Variants in TTC28 observed in about 807,000 individuals in gnomAD.
The protein encoded by TTC28 is tetratricopeptide repeat protein 28.
Under a neutral mutation model 198.0 loss-of-function variants are expected in TTC28, and 61 were observed. That is an observed-to-expected ratio of 0.31 (90% CI 0.25 to 0.38). The LOEUF is 0.38. TTC28 is among the 10% of genes least tolerant of loss of function. The probability of loss-of-function intolerance (pLI) is 1.00; values close to 1 mark genes in which losing one functional copy is unlikely to be tolerated. For missense variants in TTC28, 2,678 were observed against 3,164.0 expected, an observed-to-expected ratio of 0.85 and a Z score of 3.69; for synonymous variants, 1,171 against 1,297.8, an observed-to-expected ratio of 0.90 and a Z score of 2.10.
intron 5 of TTC28, among the ~76,000 whole-genome samples, chr22:28,210,024 A>G (rs527416534): frequency 3.3e-4 from 51 of 152,302 alleles, no homozygotes; most frequent in African/African-American, 1.2e-3. Context: ...CCTGGCAAAC[A>G]GGGTCTGCAG....
At chr22:28,556,928 G>A (rs1435516944) in intron 2 of TTC28, among the ~76,000 whole-genome samples, 1 of 152,208 alleles carries the variant, frequency 6.6e-6, no homozygotes, top group African/African-American at 2.4e-5. Context: ...TTCATCCAGA[G>A]TGAGTGATCC....
At chr22:28,121,760 C>G (rs1243896798) in intron 6 of TTC28, among the ~76,000 whole-genome samples, 1 of 152,244 alleles carries the variant, frequency 6.6e-6, no homozygotes, top group Non-Finnish European at 1.5e-5. Context: ...AAGTATTTAC[C>G]TTCCCAGCCT....
rs117481949 is a variant in TTC28, at chr22:28,031,985, G to C, written c.3933-1619C>G. 9.7e-3 allele frequency among the ~76,000 whole-genome samples: 1,472 copies of C among 151,606 alleles called. 13 individuals are homozygous for C. The highest frequency in any genetic ancestry group is 0.017 in the Middle Eastern group (5 of 292). ...GCATCAATCTTTTGCCTTCAGGCTT[G>C]GACTTGAACTGAAACTTACCCTACT... On this transcript the variant is annotated intron_variant, in intron 12 of 22. Coordinates refer to ENST00000397906, the MANE Select transcript of TTC28 (RefSeq NM_001145418.2).
chr22:28,296,958 T>G (rs902852753), intron 4 of TTC28, among the ~76,000 whole-genome samples: 3 of 152,168 alleles, frequency 2.0e-5, no homozygotes, highest in Non-Finnish European at 2.9e-5. Flanking sequence ...CTCTATACTA[T>G]ACTAATCTCC....
At chr22:28,296,159 G>GA (rs752920043) in intron 5 of TTC28, 39 bp downstream of exon 5, 1,087 of 1,484,014 alleles carry the variant, frequency 7.3e-4, no homozygotes, top group South Asian at 1.9e-3. Context: ...ATTTCCAAAA[G>GA]AAAAAAAAAT....
chr22:28,452,772 A>G (rs190289743), intron 2 of TTC28, among the ~76,000 whole-genome samples: 51 of 152,294 alleles, frequency 3.3e-4, no homozygotes, highest in African/African-American at 1.2e-3. Flanking sequence ...CGATTATCTG[A>G]GTCATGGTGG....
chr22:28,247,120 T>C (rs2147265487), intron 5 of TTC28, among the ~76,000 whole-genome samples: 1 of 152,278 alleles, frequency 6.6e-6, no homozygotes, highest in East Asian at 1.9e-4. Context: ...ACTTTTTTCA[T>C]AAGTATAAGC....
chr22:28,401,588 A>G (rs2046909891), intron 2 of TTC28, among the ~76,000 whole-genome samples: 1 of 152,074 alleles, frequency 6.6e-6, no homozygotes, highest in African/African-American at 2.4e-5. Context: ...GTACTCCAGC[A>G]TGGGCAACAG....
intron 2 of TTC28, among the ~76,000 whole-genome samples, chr22:28,345,175 A>G (rs2045885839): frequency 6.6e-6 from 1 of 152,178 alleles, no homozygotes; most frequent in African/African-American, 2.4e-5. Context: ...GCTGGTCTTA[A>G]TATCATAGAA....
intron 5 of TTC28, among the ~76,000 whole-genome samples, chr22:28,187,618 T>C (rs1404760640): frequency 6.6e-6 from 1 of 152,176 alleles, no homozygotes; most frequent in Non-Finnish European, 1.5e-5. Flanking sequence ...ATCATCTCTC[T>C]AACAAGATAA....
chr22:28,593,102 G>C (rs1161027017), intron 2 of TTC28, among the ~76,000 whole-genome samples: 1 of 149,678 alleles, frequency 6.7e-6, no homozygotes, highest in Non-Finnish European at 1.5e-5. Flanking sequence ...GTAAGTCCTT[G>C]AGAATCACCT....
In TTC28 at chr22:28,398,650, GA is replaced by G. The variant is rs1291527495; in HGVS notation, c.382-92008del. On this transcript the variant is annotated intron_variant, in intron 2 of 22. Coordinates refer to ENST00000397906, the MANE Select transcript of TTC28 (RefSeq NM_001145418.2). ...AATGGTGCTTTGTTATAATGCTGCA[GA>G]AAAAGCCTGCTGTGCCTGCTGTGTT... Among the ~76,000 whole-genome samples the G allele has an allele frequency of 3.3e-5, 5 of 152,184 alleles. No homozygotes were observed. The East Asian group carries it at 9.6e-4, about 29-fold the overall frequency.
chr22:28,340,931 T>G (rs902531309), intron 2 of TTC28, among the ~76,000 whole-genome samples: 1 of 152,238 alleles, frequency 6.6e-6, no homozygotes, highest in Non-Finnish European at 1.5e-5. Flanking sequence ...CATTGGTTGT[T>G]GCTCAGATGC....
intron 1 of TTC28, among the ~76,000 whole-genome samples, chr22:28,672,065 C>T (rs2051896514): frequency 1.3e-5 from 2 of 151,994 alleles, no homozygotes; most frequent in East Asian, 1.9e-4. Flanking sequence ...CTCGCTCTGT[C>T]ACCCAGGCTG....
At chr22:28,043,478 G>A (rs1342150305) in intron 12 of TTC28, among the ~76,000 whole-genome samples, 2 of 151,892 alleles carry the variant, frequency 1.3e-5, no homozygotes, top group Non-Finnish European at 1.5e-5. Flanking sequence ...CATCCAAGGT[G>A]GCTATTTTCC....
intron 2 of TTC28, among the ~76,000 whole-genome samples, chr22:28,473,784 C>A (rs1163817999): frequency 6.6e-6 from 1 of 152,142 alleles, no homozygotes; most frequent in African/African-American, 2.4e-5. Flanking sequence ...TATGAGTGAG[C>A]CCTAATCTAA....
chr22:28,447,177 C>G (rs1347287683), intron 2 of TTC28, among the ~76,000 whole-genome samples: 5 of 151,754 alleles, frequency 3.3e-5, no homozygotes, highest in African/African-American at 1.2e-4. Flanking sequence ...TTACTTCTGA[C>G]TTGCTATATA....
At chr22:28,574,400 C>T (rs912735068) in intron 2 of TTC28, among the ~76,000 whole-genome samples, 4 of 151,740 alleles carry the variant, frequency 2.6e-5, no homozygotes, top group African/African-American at 9.7e-5. Flanking sequence ...GTGTGTGTTC[C>T]ACATTTTCTT....
chr22:28,518,904 T>C (rs1323954939), intron 2 of TTC28, among the ~76,000 whole-genome samples: 1 of 152,230 alleles, frequency 6.6e-6, no homozygotes, highest in Non-Finnish European at 1.5e-5. Context: ...TATAGTATAG[T>C]ACATAGAAGA....
Sources: gnomAD v4.1 joint callset for allele counts (sites outside exome capture counted in the v4.1 genomes callset) on GRCh38, gnomAD v4.1.1 for gene constraint, MANE v1.5 for transcripts, NCBI Gene and HGNC (gene_info 2026-07-23, HGNC 2026-07-21) for gene names.